Variants in ATE1 observed in about 807,000 individuals in gnomAD.
ATE1 encodes arginyltransferase 1, also known as arginyl-tRNA--protein transferase 1.
ATE1 carries 36 observed loss-of-function variants against 70.5 expected under a neutral mutation model. That is an observed-to-expected ratio of 0.51 (90% CI 0.39 to 0.67). The LOEUF is 0.67. Among genes scored for constraint, ATE1 ranks in the 30% least tolerant of loss-of-function variants. The probability of loss-of-function intolerance (pLI) is 0.00; values close to 1 mark genes in which losing one functional copy is unlikely to be tolerated. For missense variants in ATE1, 593 were observed against 629.5 expected, an observed-to-expected ratio of 0.94 and a Z score of 0.62; for synonymous variants, 232 against 219.3, an observed-to-expected ratio of 1.06 and a Z score of -0.51.
At chr10:121,804,820 C>T (rs1381930958) in intron 10 of ATE1, among the ~76,000 whole-genome samples, 1 of 151,464 alleles carries the variant, frequency 6.6e-6, no homozygotes, top group Non-Finnish European at 1.5e-5. Context: ...AAACTGTCCA[C>T]ATTTTGGCCA....
rs375436395 is a variant in ATE1, at chr10:121,771,886, A to G, written c.1378+18283T>C. Among the ~76,000 whole-genome samples the G allele has an allele frequency of 3.8e-4, 58 of 152,382 alleles. No homozygotes were observed. The South Asian group carries it at 0.011, about 30-fold the overall frequency. On this transcript the variant is annotated intron_variant, in intron 11 of 11. Transcript: ENST00000224652. ...CACACTTAGAAAAATGCAGTTTCACATCTCAGCAACTTTATTTCTGTAAAC... is the reference window on the plus strand; with the variant it reads ...CACACTTAGAAAAATGCAGTTTCACGTCTCAGCAACTTTATTTCTGTAAAC...
chr10:121,913,336 A>G (rs1322323420), intron 4 of ATE1, among the ~76,000 whole-genome samples: 1 of 152,264 alleles, frequency 6.6e-6, no homozygotes, highest in Admixed American at 6.5e-5. Context: ...TTCAAACAGT[A>G]TAATTTACTG....
chr10:121,785,573 A>G (rs1946170632), intron 11 of ATE1, among the ~76,000 whole-genome samples: 1 of 152,224 alleles, frequency 6.6e-6, no homozygotes, highest in Non-Finnish European at 1.5e-5. Flanking sequence ...GTACCATGCC[A>G]GCAAGAATGA....
chr10:121,882,391 A>G (rs914314532), intron 7 of ATE1, among the ~76,000 whole-genome samples: 8 of 152,328 alleles, frequency 5.3e-5, no homozygotes, highest in South Asian at 2.1e-4. Flanking sequence ...ACAGTTCCTA[A>G]TAACATCATC....
intron 11 of ATE1, among the ~76,000 whole-genome samples, chr10:121,750,331 G>A (rs1261523914): frequency 6.6e-6 from 1 of 152,192 alleles, no homozygotes; most frequent in African/African-American, 2.4e-5. Flanking sequence ...TTACTGAGAT[G>A]TCTTAAAAAT....
At chr10:121,850,732 G>C (rs1051022937) in intron 8 of ATE1, among the ~76,000 whole-genome samples, 1 of 152,162 alleles carries the variant, frequency 6.6e-6, no homozygotes, top group Admixed American at 6.5e-5. Context: ...ATGTGGATTT[G>C]AGCCCTAACT....
chr10:121,835,316 C>T lies in ATE1; in HGVS notation c.1257+1402G>A, dbSNP rs1308323910. Among the ~76,000 whole-genome samples, 4 of 152,240 alleles carry T rather than the reference C, an allele frequency of 2.6e-5. No homozygotes were observed. In the East Asian group the frequency reaches 7.7e-4, roughly 29 times the overall value. Reference sequence around the variant, plus strand: ...AAACCAGCAAGGCACTGCTTTTTCACTGGTCTCTCAAAGCCAGTGTTACTT... The same window carrying T: ...AAACCAGCAAGGCACTGCTTTTTCATTGGTCTCTCAAAGCCAGTGTTACTT... On this transcript the variant is annotated intron_variant, in intron 10 of 11. Transcript: ENST00000224652.
Position 121,858,660 on chromosome 10 carries a change from A to ATATATATATATAATATATATTT in ATE1, c.975+11345_975+11346insAAATATATATTATATATATATA, listed in dbSNP as rs138747210. On this transcript the variant is annotated intron_variant, in intron 8 of 11. Transcript: ENST00000224652. ...ATAATATATATATTTTATACATATA[A>ATATATATATATAATATATATTT]TATATATATAATATATATATTTTTA... 3.6e-3 allele frequency among the ~76,000 whole-genome samples: 499 copies of ATATATATATATAATATATATTT among 139,192 alleles called. 4 individuals carry two copies. The highest frequency in any genetic ancestry group is 0.012 in the African/African-American group (458 of 37,574). The allele number at this position is 139,192 out of a possible 152,430, so 91.3% of individuals were successfully genotyped here.
At chr10:121,797,338 T>G (rs936049167) in intron 10 of ATE1, among the ~76,000 whole-genome samples, 8 of 152,196 alleles carry the variant, frequency 5.3e-5, no homozygotes, top group Non-Finnish European at 8.8e-5. Context: ...TTTTCATTGA[T>G]GTAATTCATA....
upstream of ATE1, chr10:121,928,444 G>C (rs1225352440): frequency 1.3e-6 from 2 of 1,516,728 alleles, no homozygotes; most frequent in African/African-American, 1.4e-5. Context: ...CCGCCGCGAG[G>C]GTCCGCTCGG....
At chr10:121,781,011 A>G (rs368944783) in intron 11 of ATE1, among the ~76,000 whole-genome samples, 8 of 152,136 alleles carry the variant, frequency 5.3e-5, no homozygotes, top group African/African-American at 1.9e-4. Flanking sequence ...CTTTAAATTT[A>G]TGTTTCTATT....
intron 11 of ATE1, among the ~76,000 whole-genome samples, chr10:121,784,000 C>T (rs562908230): frequency 1.3e-5 from 2 of 152,304 alleles, no homozygotes; most frequent in East Asian, 3.9e-4. Context: ...ATTCTCCCAC[C>T]CTGGCCTCCG....
At position 121,919,337 on chromosome 10, in the gene ATE1, T is replaced by A. The variant is rs1199412805; in HGVS notation, c.233+3012A>T. On this transcript the variant is annotated intron_variant, in intron 3 of 11. Coordinates refer to ENST00000224652, the MANE Select transcript of ATE1 (RefSeq NM_001001976.3). The stretch of plus-strand genomic sequence containing the variant: ...ACTTTGGGGGGCTGAAGCGGGCAGA[T>A]CACCTGAGGTCAGGAGTTCGAGACC... 2.6e-5 allele frequency among the ~76,000 whole-genome samples: 4 copies of A among 152,150 alleles called. No homozygotes were observed. In the East Asian group the frequency reaches 7.7e-4, roughly 29 times the overall value.
Position 121,890,574 on chromosome 10 carries a change from TAGTC to T in ATE1, c.942+9288_942+9291del, listed in dbSNP as rs1262880176. ...TTGATAATAAAATTTGGGAAACAAT[TAGTC>T]AGTGAATGCAGAAGTATGATGAGAT... On this transcript the variant is annotated intron_variant, in intron 7 of 11. Transcript: ENST00000224652. Among the ~76,000 whole-genome samples, 5 of 152,296 alleles carry T rather than the reference TAGTC, an allele frequency of 3.3e-5. 1 individual carries two copies. The South Asian group carries it at 6.2e-4, about 19-fold the overall frequency.
intron 7 of ATE1, 27 bp downstream of exon 7, chr10:121,899,839 C>G (rs755055072): frequency 6.2e-7 from 1 of 1,602,110 alleles, no homozygotes; most frequent in African/African-American, 1.3e-5. Flanking sequence ...TCTGTTTGCA[C>G]AGGAAAATTA....
intron 8 of ATE1, among the ~76,000 whole-genome samples, chr10:121,848,065 C>T (rs548732508): frequency 1.1e-4 from 16 of 152,060 alleles, no homozygotes; most frequent in Non-Finnish European, 2.2e-4. Context: ...AGCAAGACTC[C>T]ATCTAAAAAA....
At chr10:121,860,807 C>T (rs139373373) in intron 8 of ATE1, among the ~76,000 whole-genome samples, 153 of 152,294 alleles carry the variant, frequency 1.0e-3, no homozygotes, top group African/African-American at 3.6e-3. Flanking sequence ...AACAGAATCC[C>T]GAACTTCTCA....
chr10:121,907,462 C>CA (rs112503189), intron 5 of ATE1, among the ~76,000 whole-genome samples: 11,410 of 147,586 alleles, frequency 0.077, 1,387 homozygotes, highest in African/African-American at 0.26. Context: ...GAGACTGTGT[C>CA]AAAAAAAAAT....
chr10:121,921,605 G>A (rs1268978507), intron 3 of ATE1, among the ~76,000 whole-genome samples: 1 of 151,966 alleles, frequency 6.6e-6, no homozygotes, highest in Non-Finnish European at 1.5e-5. Context: ...AGCCTGAGTA[G>A]GCCTGAACTG....
Sources: gnomAD v4.1 joint callset for allele counts (sites outside exome capture counted in the v4.1 genomes callset) on GRCh38, gnomAD v4.1.1 for gene constraint, MANE v1.5 for transcripts, NCBI Gene and HGNC (gene_info 2026-07-23, HGNC 2026-07-21) for gene names.